APOL1: variants seen among roughly 807,000 people sequenced by gnomAD.
APOL1 encodes apolipoprotein L 1.
APOL1 carries 17 observed loss-of-function variants against 14.9 expected under a neutral mutation model. The ratio of observed to expected loss-of-function variants is 1.14; its 90% CI spans 0.78 to 1.71. The LOEUF (loss-of-function observed/expected upper bound fraction) is 1.71. APOL1 is among the 40% of genes most tolerant of loss of function. The pLI, the probability that APOL1 is intolerant of heterozygous loss-of-function variation, is 0.00. For missense variants in APOL1, 523 were observed against 485.9 expected (o/e 1.08, Z -0.72); for synonymous variants, 195 against 184.8 (o/e 1.05, Z -0.45).
rs771615220 is a variant in APOL1, at chr22:36,261,650, C to T, written c.242C>T (p.Thr81Ile). 6 of 1,614,088 alleles carry T rather than the reference C, an allele frequency of 3.7e-6. No homozygotes were observed. The highest frequency in any genetic ancestry group is 1.1e-5 in the South Asian group (1 of 91,084). ...AAGTATTTCAAGGAAAAAGTGAGCACACAGAATCTGCTACTCCTGCTGACT... is the reference window on the plus strand; with the variant it reads ...AAGTATTTCAAGGAAAAAGTGAGCATACAGAATCTGCTACTCCTGCTGACT... ...AIKYFKEKVS[T>I]QNLLLLLTDN... Residue 81 changes from threonine (T) to isoleucine (I), a missense_variant, in exon 5 of 6, where the codon ACA (threonine) becomes ATA (isoleucine). Thr to Ile is a moderately conservative substitution (Grantham distance 89). Coordinates refer to ENST00000397278, the MANE Select transcript of APOL1 (RefSeq NM_003661.4).
At chr22:36,255,165 A>G (rs1405121400) in intron 2 of APOL1, among the ~76,000 whole-genome samples, 166 bp downstream of exon 2, 2 of 152,222 alleles carry the variant, frequency 1.3e-5, no homozygotes, top group Non-Finnish European at 1.5e-5. Flanking sequence ...GACCCGCTGT[A>G]TCCTAGTTGA....
chr22:36,256,045 G>A (rs953622229), intron 2 of APOL1, among the ~76,000 whole-genome samples: 6 of 152,144 alleles, frequency 3.9e-5, no homozygotes, highest in Non-Finnish European at 5.9e-5. Flanking sequence ...TTAAAAAAAT[G>A]ATAATATTAA....
intron 5 of APOL1, among the ~76,000 whole-genome samples, chr22:36,263,848 T>C (rs772394124): frequency 4.6e-5 from 7 of 152,236 alleles, no homozygotes; most frequent in East Asian, 1.9e-4. Flanking sequence ...ACAGGACTGA[T>C]AGGAGACACC....
Position 36,261,597 on chromosome 22 carries a change from G to C in APOL1, c.189G>C (p.Glu63Asp). The C allele has an allele frequency of 6.2e-7, 1 of 1,612,952 alleles. No individual in the cohort carries two copies. The highest frequency in any genetic ancestry group is 8.5e-7 in the Non-Finnish European group (1 of 1,179,192). ...GDWAAGTMDPESSIFIEDAIK... is the reference protein window; with the variant it reads ...GDWAAGTMDPDSSIFIEDAIK... ...TTATCCTTTCTTCTTTCCAACTAGA[G>C]AGCAGTATCTTTATTGAGGATGCCA... The change falls in exon 5 of 6, where the codon GAG becomes GAC. Residue 63 changes from glutamate (E) to aspartate (D), a missense_variant and splice_region_variant. By Grantham distance (45) the Glu-to-Asp change is conservative. Transcript: ENST00000397278.
intron 4 of APOL1, among the ~76,000 whole-genome samples, chr22:36,258,678 G>A (rs1470509429): frequency 6.6e-6 from 1 of 152,182 alleles, no homozygotes; most frequent in Non-Finnish European, 1.5e-5. Flanking sequence ...CGGGCCCAGT[G>A]GAGTTTGGGG....
intron 2 of APOL1, 68 bp from the exon 3 acceptor site, chr22:36,257,015 C>A (rs1454215782): frequency 2.5e-5 from 39 of 1,551,030 alleles, no homozygotes; most frequent in Non-Finnish European, 2.6e-5. Flanking sequence ...TGTGTATAGA[C>A]TCTGTAGTTT....
At chr22:36,264,259 T>C (rs2016162428) in intron 5 of APOL1, among the ~76,000 whole-genome samples, 1 of 152,032 alleles carries the variant, frequency 6.6e-6, no homozygotes, top group Non-Finnish European at 1.5e-5. Context: ...AGTCCCCGGG[T>C]CCTCTGGGAT....
Position 36,265,948 on chromosome 22 carries a change from T to C in APOL1, c.1112T>C (p.Leu371Pro). 6.2e-7 allele frequency: 1 copy of C among 1,614,130 alleles called. No individual in the cohort carries two copies. The highest frequency in any genetic ancestry group is 8.5e-7 in the Non-Finnish European group (1 of 1,180,020). Reference sequence around the variant, plus strand: ...GCAAAGTCAGAGACAGCTGAGGAGCTGAAGAAGGTGGCTCAGGAGCTGGAG... The same window carrying C: ...GCAAAGTCAGAGACAGCTGAGGAGCCGAAGAAGGTGGCTCAGGAGCTGGAG... ...EGAKSETAEE[L>P]KKVAQELEEK... Residue 371 changes from leucine to proline, a missense_variant, in exon 6 of 6, where the codon CTG becomes CCG. Physicochemically the swap from Leu to Pro is moderately conservative, Grantham distance 98 (BLOSUM62 -3). Coordinates refer to ENST00000397278, the MANE Select transcript of APOL1 (RefSeq NM_003661.4).
intron 5 of APOL1, 46 bp from the exon 6 acceptor site, chr22:36,265,105 C>G: frequency 6.2e-7 from 1 of 1,606,618 alleles, no homozygotes; most frequent in Non-Finnish European, 8.5e-7. Flanking sequence ...GCCACCACAC[C>G]GAGCCAAAAC....
rs766676855 is a variant in APOL1 at position 36,255,016 on chromosome 22, G to A, written c.44+17G>A. The A allele has an allele frequency of 1.2e-6, 2 of 1,610,444 alleles. No individual in the cohort carries two copies. Among genetic ancestry groups the A allele is most frequent in the South Asian group, 2.2e-5 (2 of 90,988 alleles). On this transcript the variant is annotated intron_variant, in intron 2 of 5. Coordinates refer to ENST00000397278, the MANE Select transcript of APOL1 (RefSeq NM_003661.4). ...CTGCATCTGGTGAGCTTGGCTCAGA[G>A]CCCTGAGGCGGGAGGGAGGGCTCCC... is the stretch of plus-strand genomic sequence containing the variant.
intron 2 of APOL1, among the ~76,000 whole-genome samples, chr22:36,256,413 C>G (rs1221861809): frequency 6.6e-6 from 1 of 152,172 alleles, no homozygotes; most frequent in Non-Finnish European, 1.5e-5. Context: ...GAAGGATGTT[C>G]TTTGTAGCAT....
rs1603482141 is a variant in APOL1, at chr22:36,261,510, A to T, written c.188-86A>T. The T allele has an allele frequency of 9.1e-6, 13 of 1,421,554 alleles. No individual in the cohort carries two copies. In the East Asian group the frequency reaches 3.1e-4, roughly 33 times the overall value. 88.1% of individuals were successfully genotyped at this position (1,421,554 alleles called of 1,614,324 possible). A position where few individuals can be genotyped will look rare whatever the true frequency, so the allele number is the denominator to read the frequency against. ...GTCCCACATCACAGCTGTCCAGGAAAATTAACATGTAGTCATCTCTTATGC... is the reference window on the plus strand; with the variant it reads ...GTCCCACATCACAGCTGTCCAGGAATATTAACATGTAGTCATCTCTTATGC... On this transcript the variant is annotated intron_variant, in intron 4 of 5. Transcript: ENST00000397278.
At chr22:36,257,176 T>C (rs528761294) in intron 3 of APOL1, 40 bp downstream of exon 3, 5 of 1,613,632 alleles carry the variant, frequency 3.1e-6, no homozygotes, top group East Asian at 2.2e-5. Context: ...GGCTCAGTGA[T>C]AGACAAACAA....
rs1320529436 is a variant in APOL1 at position 36,266,547 on chromosome 22, A to G, written c.*514A>G. 5 of 399,506 alleles carry G rather than the reference A, an allele frequency of 1.3e-5. No individual in the cohort carries two copies. Among genetic ancestry groups the G allele is most frequent in the Non-Finnish European group, 2.2e-5 (5 of 226,934 alleles). The allele number at this position is 399,506 out of a possible 1,614,324, so 24.7% of individuals were successfully genotyped here. A position where few individuals can be genotyped will look rare whatever the true frequency, so the allele number is the denominator to read the frequency against. On this transcript the variant is annotated 3_prime_UTR_variant, in exon 6 of 6. Coordinates refer to ENST00000397278, the MANE Select transcript of APOL1 (RefSeq NM_003661.4). ...GAAGGCAGGAACATTGGAGCCTGCA[A>G]TAAGGGAAAAATGGGAACTGGAGAG...
intron 4 of APOL1, among the ~76,000 whole-genome samples, chr22:36,261,194 C>A (rs964081556): frequency 3.3e-5 from 5 of 152,244 alleles, no homozygotes; most frequent in African/African-American, 1.2e-4. Context: ...GGCAAGAAGT[C>A]CAAGGTGAAG....
At position 36,266,640 on chromosome 22, in the gene APOL1, T is replaced by TTA; in HGVS notation, c.*607_*608insTA. 1 of 395,296 alleles carries TTA rather than the reference T, an allele frequency of 2.5e-6. No homozygotes were observed. The allele number at this position is 395,296 out of a possible 1,614,324, so 24.5% of individuals were successfully genotyped here. Reference sequence around the variant, plus strand: ...ATATTGGGGGGCCGGGTGTAGTGGCTCATGCCTGTAATCCGAGCACTTTGG... The same window carrying TTA: ...ATATTGGGGGGCCGGGTGTAGTGGCTTACATGCCTGTAATCCGAGCACTTTGG... On this transcript the variant is annotated 3_prime_UTR_variant, in exon 6 of 6. Transcript: ENST00000397278.
chr22:36,255,116 C>G, intron 2 of APOL1, 117 bp downstream of exon 2: 1 of 1,284,250 alleles, frequency 7.8e-7, no homozygotes, highest in Non-Finnish European at 1.1e-6. Context: ...ACCAAAGTCA[C>G]TTCCCGGAAT....
rs879140668 is a variant in APOL1 at position 36,265,345 on chromosome 22, A to G, written c.509A>G (p.Lys170Arg). 1.2e-5 allele frequency: 20 copies of G among 1,611,816 alleles called. No homozygotes were observed. In the South Asian group the frequency reaches 2.0e-4, roughly 16 times the overall value. ...GCAGATGGGGTTCAGAAGGTCCACA[A>G]AGGCACCACCATCGCCAATGTGGTG... is the stretch of plus-strand genomic sequence containing the variant. ...ALADGVQKVH[K>R]GTTIANVVSG... The change falls in exon 6 of 6, where the codon AAA becomes AGA. Residue 170 changes from lysine (K) to arginine (R), a missense_variant. By Grantham distance (26) the Lys-to-Arg change is conservative (BLOSUM62 2). Transcript: ENST00000397278.
At chr22:36,261,756 C>G in intron 5 of APOL1, 34 bp downstream of exon 5, 1 of 1,594,486 alleles carries the variant, frequency 6.3e-7, no homozygotes, top group Non-Finnish European at 8.6e-7. Flanking sequence ...ATTGGGCACT[C>G]CGGCGATGCC....
Sources: gnomAD v4.1 joint callset for allele counts (sites outside exome capture counted in the v4.1 genomes callset) on GRCh38, gnomAD v4.1.1 for gene constraint, MANE v1.5 for transcripts, NCBI Gene and HGNC (gene_info 2026-07-23, HGNC 2026-07-21) for gene names.